ATXN10: variants seen among roughly 807,000 people sequenced by gnomAD.
ATXN10 encodes the protein ataxin 10, also known as ataxin-10.
In ATXN10, 28 loss-of-function variants were observed where a neutral mutation model predicts 52.9. That is an observed-to-expected ratio of 0.53 (90% confidence interval 0.39 to 0.73). The LOEUF is 0.73. Among genes scored for constraint, ATXN10 ranks in the 30% least tolerant of loss-of-function variants. The pLI is 0.00. For synonymous variants in ATXN10, 226 were observed against 221.5 expected (o/e 1.02, Z -0.18); for missense variants, 565 against 577.0 (o/e 0.98, Z 0.21).
At chr22:45,676,961 T>C (rs1342633374) in intron 1 of ATXN10, 1 of 152,260 alleles carries the variant, frequency 6.6e-6, no homozygotes, top group Admixed American at 6.5e-5. Context: ...TGTTTATTTT[T>C]TGTAGAGATG....
intron 5 of ATXN10, among the ~76,000 whole-genome samples, chr22:45,711,458 T>G (rs1480390391): frequency 6.6e-6 from 1 of 152,108 alleles, no homozygotes; most frequent in East Asian, 1.9e-4. Flanking sequence ...TCTGTGACCC[T>G]GCATTATTAA....
chr22:45,792,290 T>G (rs935496095), intron 9 of ATXN10: 2 of 152,212 alleles, frequency 1.3e-5, no homozygotes, highest in Non-Finnish European at 2.9e-5. Flanking sequence ...AAGACCGTTA[T>G]TCTTCTAAAG....
At chr22:45,812,644 T>C (rs1186277217) in intron 10 of ATXN10, among the ~76,000 whole-genome samples, 1 of 152,210 alleles carries the variant, frequency 6.6e-6, no homozygotes, top group Admixed American at 6.5e-5. Flanking sequence ...ATTTTAGTAT[T>C]TTGTGTTAAA....
At position 45,750,062 on chromosome 22, in the gene ATXN10, ACG is replaced by A. The variant is rs1449782653; in HGVS notation, c.1173+9526_1173+9527del. Among the ~76,000 whole-genome samples the A allele has an allele frequency of 6.6e-6, 1 of 152,088 alleles. No individual in the cohort carries two copies. The highest frequency in any genetic ancestry group is 2.4e-5 in the African/African-American group (1 of 41,410). ...AACTGCTACTCAGTTTTCTTTACTT[ACG>A]CCATATGATCAATTTTTAGATAACA... On this transcript the variant is annotated intron_variant, in intron 9 of 11. Transcript: ENST00000252934. The surrounding 1 kb of genome is among the most constrained non-coding windows in gnomAD (Gnocchi z 4.2).
intron 9 of ATXN10, among the ~76,000 whole-genome samples, chr22:45,798,310 A>G (rs1927816055): frequency 6.6e-6 from 1 of 152,250 alleles, no homozygotes; most frequent in South Asian, 2.1e-4. Flanking sequence ...CTTGTAATAC[A>G]GAAAGTGATA....
intron 2 of ATXN10, among the ~76,000 whole-genome samples, chr22:45,691,210 C>A (rs1050019447): frequency 6.6e-6 from 1 of 152,154 alleles, no homozygotes; most frequent in Non-Finnish European, 1.5e-5. Context: ...AGGCTAGTTT[C>A]TTTTGTCCTT....
intron 3 of ATXN10, among the ~76,000 whole-genome samples, chr22:45,698,083 T>G (rs2351089): frequency 0.86 from 130,447 of 152,170 alleles, 56,095 homozygotes; most frequent in African/African-American, 0.91. Flanking sequence ...CCACCTTTTG[T>G]CTATCATGAG....
chr22:45,746,045 C>T (rs929204884), intron 9 of ATXN10, among the ~76,000 whole-genome samples: 1 of 151,658 alleles, frequency 6.6e-6, no homozygotes, highest in African/African-American at 2.4e-5. Context: ...TTTATTTGAT[C>T]CAAATCATAT....
At position 45,708,952 on chromosome 22, in the gene ATXN10, T is replaced by C. The variant is rs1448054714; in HGVS notation, c.647+6105T>C. ...CCGTGCCCACCTAAACTTTTATTAA[T>C]CCATTGAACTTTTTACCCAGTTTCA... On this transcript the variant is annotated intron_variant, in intron 5 of 11. Transcript: ENST00000252934. The surrounding 1 kb of genome is among the most constrained non-coding windows in gnomAD (Gnocchi z 5.3). 6.6e-6 allele frequency among the ~76,000 whole-genome samples: 1 copy of C among 152,190 alleles called. No individual in the cohort carries two copies. Among genetic ancestry groups the C allele is most frequent in the Non-Finnish European group, 1.5e-5 (1 of 68,030 alleles).
intron 9 of ATXN10, among the ~76,000 whole-genome samples, chr22:45,801,773 A>G (rs1273195178): frequency 6.6e-6 from 1 of 152,216 alleles, no homozygotes; most frequent in Non-Finnish European, 1.5e-5. Context: ...TCAAATGTGG[A>G]TGGTAAAGGA....
intron 10 of ATXN10, among the ~76,000 whole-genome samples, chr22:45,817,318 CTTTTTTTTTTTT>C (rs11326332): frequency 2.0e-5 from 2 of 98,710 alleles, no homozygotes; most frequent in Admixed American, 1.1e-4. Flanking sequence ...ATTGATTTAA[CTTTTTTTTTTTT>C]TTTTTTTTTT....
intron 10 of ATXN10, among the ~76,000 whole-genome samples, chr22:45,839,924 C>A (rs1383630126): frequency 1.3e-5 from 2 of 152,240 alleles, no homozygotes; most frequent in African/African-American, 4.8e-5. Context: ...GCCCCACCCA[C>A]GTGGTGAATG....
chr22:45,753,649 C>T (rs547283578), intron 9 of ATXN10, among the ~76,000 whole-genome samples: 31 of 151,870 alleles, frequency 2.0e-4, no homozygotes, highest in African/African-American at 7.0e-4. Context: ...TCAGGCAATC[C>T]ACCCGCCCCA....
At chr22:45,815,053 G>A (rs1928412134) in intron 10 of ATXN10, among the ~76,000 whole-genome samples, 1 of 152,172 alleles carries the variant, frequency 6.6e-6, no homozygotes, top group Non-Finnish European at 1.5e-5. Flanking sequence ...GCTCACAGCA[G>A]CCTTATTCTT....
chr22:45,741,802 T>G (rs1049284277), intron 9 of ATXN10, among the ~76,000 whole-genome samples: 21 of 152,352 alleles, frequency 1.4e-4, no homozygotes, highest in Middle Eastern at 3.4e-3. Flanking sequence ...AATAGCCATG[T>G]GAAGACACTC....
intron 3 of ATXN10, among the ~76,000 whole-genome samples, chr22:45,697,952 T>G (rs535712142): frequency 7.2e-5 from 11 of 152,338 alleles, no homozygotes; most frequent in African/African-American, 2.6e-4. Context: ...TTTTTAAGGT[T>G]CATCCACCTT....
At chr22:45,788,018 G>A (rs1304126024) in intron 9 of ATXN10, among the ~76,000 whole-genome samples, 1 of 152,162 alleles carries the variant, frequency 6.6e-6, no homozygotes, top group Non-Finnish European at 1.5e-5. Context: ...TATACAAGGA[G>A]CACCAGGATT....
chr22:45,821,347 T>TAAAA (rs567448480), intron 10 of ATXN10, among the ~76,000 whole-genome samples: 3 of 106,436 alleles, frequency 2.8e-5, no homozygotes, highest in Non-Finnish European at 3.9e-5. Context: ...CCCGTCTCTT[T>TAAAA]AAAAAAAAAA....
At chr22:45,730,833 A>G (rs1004451149) in intron 7 of ATXN10, among the ~76,000 whole-genome samples, 11 of 152,334 alleles carry the variant, frequency 7.2e-5, no homozygotes, top group African/African-American at 2.4e-4. Context: ...ATCCTAGGAC[A>G]TAATCTTAGA....
Sources: allele counts gnomAD v4.1 joint callset (sites outside exome capture counted in the v4.1 genomes callset), GRCh38; gene constraint gnomAD v4.1.1; non-coding constraint Gnocchi (gnomAD v3.1); transcripts MANE v1.5; gene names NCBI Gene and HGNC (gene_info 2026-07-23, HGNC 2026-07-21).